The following PAN3 variants were observed in gnomAD, a reference collection of about 807,000 sequenced individuals.
The protein encoded by PAN3 is PAN2-PAN3 deadenylation complex subunit PAN3.
A neutral mutation model predicts 96.2 loss-of-function variants in PAN3; 19 were observed. The observed-to-expected ratio is 0.20, with a 90% confidence interval of 0.14 to 0.29. The LOEUF (loss-of-function observed/expected upper bound fraction) is 0.29, where lower values mean the gene tolerates loss of function less well. Among genes scored for constraint, PAN3 ranks in the 10% least tolerant of loss-of-function variants. The pLI, the probability that PAN3 is intolerant of heterozygous loss-of-function variation, is 1.00. For synonymous variants in PAN3, 433 were observed against 406.6 expected (o/e 1.06, Z -0.78); for missense variants, 882 against 1,108.1 (o/e 0.80, Z 2.90).
At chr13:28,172,525 A>T (rs896148514) in intron 1 of PAN3, among the ~76,000 whole-genome samples, 1 of 152,152 alleles carries the variant, frequency 6.6e-6, no homozygotes, top group Non-Finnish European at 1.5e-5. Flanking sequence ...TTAAACTTTG[A>T]TAAAAGTAGA....
chr13:28,272,193 C>CA (rs1886670747), intron 14 of PAN3, 122 bp downstream of exon 14: 2 of 604,922 alleles, frequency 3.3e-6, no homozygotes, highest in Admixed American at 3.6e-5. Flanking sequence ...GGTGTCTATG[C>CA]AGACTTTGAA....
intron 17 of PAN3, among the ~76,000 whole-genome samples, chr13:28,284,531 G>A (rs79215317): frequency 6.6e-6 from 1 of 151,994 alleles, no homozygotes; most frequent in Non-Finnish European, 1.5e-5. Context: ...CTATTTCATG[G>A]TTTTTTCCAG....
chr13:28,187,655 C>T (rs73156291), intron 4 of PAN3, among the ~76,000 whole-genome samples: 15,871 of 152,206 alleles, frequency 0.1, 1,038 homozygotes, highest in Middle Eastern at 0.19. Flanking sequence ...GCTACAAATA[C>T]GTGTATATGT....
At chr13:28,147,517 C>G (rs932528725) in intron 1 of PAN3, among the ~76,000 whole-genome samples, 5 of 152,142 alleles carry the variant, frequency 3.3e-5, no homozygotes, top group African/African-American at 1.2e-4. Context: ...CTTAAATAGG[C>G]CCAGAATGCT....
chr13:28,219,968 T>A (rs1881226179), intron 5 of PAN3, among the ~76,000 whole-genome samples: 1 of 152,234 alleles, frequency 6.6e-6, no homozygotes, highest in Admixed American at 6.5e-5. Flanking sequence ...TAATGATGCA[T>A]GCTTGATAAT....
At chr13:28,247,939 T>A (rs1357057038) in intron 6 of PAN3, among the ~76,000 whole-genome samples, 2 of 152,220 alleles carry the variant, frequency 1.3e-5, no homozygotes, top group African/African-American at 4.8e-5. Flanking sequence ...TGTATTGTTT[T>A]TTCTGTTTAT....
intron 6 of PAN3, among the ~76,000 whole-genome samples, chr13:28,238,365 G>A (rs1473487554): frequency 2.6e-5 from 4 of 152,146 alleles, no homozygotes; most frequent in Admixed American, 6.5e-5. Flanking sequence ...GAAAGGTTGG[G>A]AAAGTGAGGA....
intron 17 of PAN3, among the ~76,000 whole-genome samples, chr13:28,282,880 GTTTATTTA>G (rs3057869): frequency 8.6e-5 from 13 of 151,102 alleles, no homozygotes; most frequent in African/African-American, 2.4e-4. Context: ...TCCTTGGTTT[GTTTATTTA>G]TTTATTTATT....
chr13:28,178,064 C>A (rs1684078545), intron 4 of PAN3, 129 bp downstream of exon 4: 1 of 721,774 alleles, frequency 1.4e-6, no homozygotes, highest in Non-Finnish European at 2.3e-6. Flanking sequence ...GTTTTTCCTG[C>A]CTTTTGTTTA....
intron 5 of PAN3, among the ~76,000 whole-genome samples, chr13:28,203,153 G>T (rs954948264): frequency 6.6e-6 from 1 of 151,490 alleles, no homozygotes; most frequent in Admixed American, 6.6e-5. Flanking sequence ...TAGAAACAGG[G>T]TTTCACCGTG....
Position 28,159,237 on chromosome 13 carries a change from T to C in PAN3, c.431-15035T>C, listed in dbSNP as rs188849519. The stretch of plus-strand genomic sequence containing the variant: ...CAATGGTAGACCAGATAAAGAAAAT[T>C]TGGGGCATGTACACCATGGACTACT... On this transcript the variant is annotated intron_variant, in intron 1 of 18. Coordinates refer to ENST00000380958, the MANE Select transcript of PAN3 (RefSeq NM_175854.8). Among the ~76,000 whole-genome samples, 36 of 152,196 alleles carry C rather than the reference T, an allele frequency of 2.4e-4. No homozygotes were observed. In the South Asian group the frequency reaches 3.3e-3, roughly 14 times the overall value.
chr13:28,185,053 G>A (rs1014243084), intron 4 of PAN3, among the ~76,000 whole-genome samples: 6 of 152,074 alleles, frequency 3.9e-5, no homozygotes, highest in African/African-American at 1.4e-4. Flanking sequence ...CTGCTCTAAT[G>A]AGTTAGTAAT....
chr13:28,270,857 G>A lies in PAN3; in HGVS notation c.1949G>A (p.Gly650Asp), dbSNP rs781217055. 5.6e-6 allele frequency: 9 copies of A among 1,612,916 alleles called. No homozygotes were observed. The Admixed American group carries it at 8.3e-5, about 15-fold the overall frequency. Residue 650 changes from glycine to aspartate, a missense_variant, in exon 13 of 19, where the codon GGC becomes GAC. By Grantham distance (94) the Gly-to-Asp change is moderately conservative. Around this residue, in one of 3 missense-constraint regions of PAN3, gnomAD observed 364 missense variants for 513.6 expected, o/e 0.71. Transcript: ENST00000380958. ...GATCCAACAAAGATTCTGATAACTG[G>A]CAAAACAAGGTACTAGCATTTTGAG... ...VMDPTKILIT[G>D]KTRLRVNCVG...
chr13:28,217,646 A>G (rs922145651), intron 5 of PAN3, among the ~76,000 whole-genome samples: 5 of 152,090 alleles, frequency 3.3e-5, no homozygotes, highest in Admixed American at 2.6e-4. Context: ...ATCTTAGACT[A>G]TTGAATGAAC....
At chr13:28,214,877 T>C (rs1880534964) in intron 5 of PAN3, 4 of 811,966 alleles carry the variant, frequency 4.9e-6, no homozygotes, top group South Asian at 2.7e-5. Context: ...CTGGTGTTGG[T>C]GAAATTGAAG....
chr13:28,281,874 G>A (rs1887500942), intron 17 of PAN3, among the ~76,000 whole-genome samples: 2 of 150,364 alleles, frequency 1.3e-5, no homozygotes, highest in South Asian at 2.1e-4. Context: ...AGGTTCAAGC[G>A]ATTCTCCTGC....
intron 17 of PAN3, among the ~76,000 whole-genome samples, chr13:28,286,047 G>A (rs1341875422): frequency 6.6e-6 from 1 of 152,136 alleles, no homozygotes; most frequent in African/African-American, 2.4e-5. Flanking sequence ...AAGCCAATGG[G>A]AAGCCTTTGT....
intron 1 of PAN3, among the ~76,000 whole-genome samples, chr13:28,162,818 G>T (rs1259581193): frequency 6.6e-6 from 1 of 151,002 alleles, no homozygotes; most frequent in Non-Finnish European, 1.5e-5. Context: ...CTCCAGCCTG[G>T]GTGACAGAGG....
chr13:28,184,970 C>T (rs913516012), intron 4 of PAN3, among the ~76,000 whole-genome samples: 1 of 152,054 alleles, frequency 6.6e-6, no homozygotes, highest in African/African-American at 2.4e-5. Flanking sequence ...GTCATGCTTA[C>T]TCTGTTTCTC....
Sources: gnomAD v4.1 joint callset for allele counts (sites outside exome capture counted in the v4.1 genomes callset) on GRCh38, gnomAD v4.1.1 for gene constraint, gnomAD v4.1.1 regional missense constraint, MANE v1.5 for transcripts, NCBI Gene and HGNC (gene_info 2026-07-23, HGNC 2026-07-21) for gene names.